DISC1: variants seen among roughly 807,000 people sequenced by gnomAD.
The protein encoded by DISC1 is DISC1 scaffold protein.
In DISC1, 57 loss-of-function variants were observed where a neutral mutation model predicts 84.5. The observed-to-expected ratio is 0.67, with a 90% CI of 0.55 to 0.84. DISC1 has a LOEUF of 0.84. Ranked by LOEUF, DISC1 falls within the 40% of genes least tolerant of loss-of-function variation. The pLI is 0.00. For synonymous variants in DISC1, 411 were observed against 415.2 expected, an observed-to-expected ratio of 0.99 and a Z score of 0.12; for missense variants, 1,000 against 1,057.8, an observed-to-expected ratio of 0.95 and a Z score of 0.76.
At position 231,675,075 on chromosome 1, in the gene DISC1, G is replaced by A. The variant is rs947210542; in HGVS notation, c.68-18751G>A. Among the ~76,000 whole-genome samples the A allele has an allele frequency of 6.6e-6, 1 of 152,148 alleles. No individual in the cohort carries two copies. The highest frequency in any genetic ancestry group is 1.5e-5 in the Non-Finnish European group (1 of 68,036). On this transcript the variant is annotated intron_variant, in intron 1 of 12. Transcript: ENST00000439617. This position sits in a 1 kb window ranked among gnomAD's most constrained non-coding sequence, Gnocchi z 4.1. ...ACAAAGTTGATGAGAGACTTCCAAC[G>A]GCAAGTGTGTAAAAAGAAAATATCT...
At chr1:231,903,527 A>G (rs746690158) in intron 9 of DISC1, among the ~76,000 whole-genome samples, 2 of 152,230 alleles carry the variant, frequency 1.3e-5, no homozygotes, top group Non-Finnish European at 2.9e-5. Flanking sequence ...ACCTCAAGCC[A>G]TAGGATTGCC....
At chr1:231,898,036 T>C (rs1237007106) in intron 9 of DISC1, among the ~76,000 whole-genome samples, 1 of 152,082 alleles carries the variant, frequency 6.6e-6, no homozygotes, top group African/African-American at 2.4e-5. Flanking sequence ...ATAACAGAAC[T>C]AGGGAGAAAG....
At chr1:231,989,579 T>C (rs1664912648) in intron 10 of DISC1, among the ~76,000 whole-genome samples, 1 of 151,774 alleles carries the variant, frequency 6.6e-6, no homozygotes, top group Non-Finnish European at 1.5e-5. Flanking sequence ...CCAAGAGGAG[T>C]GAGGGAGAGC....
At chr1:231,901,410 G>A (rs530107666) in intron 9 of DISC1, among the ~76,000 whole-genome samples, 1 of 152,282 alleles carries the variant, frequency 6.6e-6, no homozygotes, top group South Asian at 2.1e-4. Context: ...ATGACAGCAT[G>A]GTGCATGGCA....
intron 1 of DISC1, among the ~76,000 whole-genome samples, chr1:231,650,440 T>G (rs1489240584): frequency 1.3e-5 from 2 of 152,238 alleles, no homozygotes; most frequent in Non-Finnish European, 2.9e-5. Flanking sequence ...CCACTGTTAG[T>G]CATCAGACTT....
chr1:231,715,004 T>C (rs186596725), intron 3 of DISC1, among the ~76,000 whole-genome samples: 115 of 152,306 alleles, frequency 7.6e-4, no homozygotes, highest in African/African-American at 2.6e-3. Flanking sequence ...ATGTGGCAAT[T>C]GAAGACTTTT....
At chr1:231,980,207 G>A (rs112645890) in intron 10 of DISC1, among the ~76,000 whole-genome samples, 2,567 of 152,104 alleles carry the variant, frequency 0.017, 76 homozygotes, top group African/African-American at 0.059. Flanking sequence ...CATAATCCCC[G>A]GTTAGGCAAA....
At position 232,014,715 on chromosome 1, in the gene DISC1, G is replaced by A. The variant is rs12136086; in HGVS notation, c.2307+5666G>A. 2.5e-3 allele frequency among the ~76,000 whole-genome samples: 387 copies of A among 152,260 alleles called. 6 individuals are homozygous for A. Among genetic ancestry groups the A allele is most frequent in the Non-Finnish European group, 1.1e-3 (73 of 68,016 alleles). ...TGGCTTTTCACATGACCCTCGTTGTGTAAACCTCACCTATCATGCATCATT... is the reference window on the plus strand; with the variant it reads ...TGGCTTTTCACATGACCCTCGTTGTATAAACCTCACCTATCATGCATCATT... On this transcript the variant is annotated intron_variant, in intron 11 of 12. Coordinates refer to ENST00000439617, the MANE Select transcript of DISC1 (RefSeq NM_018662.3).
chr1:231,907,230 A>G (rs2088806422), intron 9 of DISC1, among the ~76,000 whole-genome samples: 1 of 149,602 alleles, frequency 6.7e-6, no homozygotes, highest in African/African-American at 2.5e-5. Flanking sequence ...GGTTTGTTAC[A>G]TATGTATACA....
At chr1:231,641,715 A>G (rs994557056) in intron 1 of DISC1, among the ~76,000 whole-genome samples, 1 of 152,230 alleles carries the variant, frequency 6.6e-6, no homozygotes, top group Non-Finnish European at 1.5e-5. Context: ...TCCCTGAGCT[A>G]GACACAAATG....
chr1:231,804,299 A>C (rs1003656074), intron 8 of DISC1, among the ~76,000 whole-genome samples: 1 of 152,112 alleles, frequency 6.6e-6, no homozygotes, highest in Non-Finnish European at 1.5e-5. Flanking sequence ...AGACAGAAGG[A>C]TTTTGAGAAC....
chr1:231,800,188 A>G lies in DISC1; in HGVS notation c.1770A>G (p.Glu590=). 1 of 1,612,086 alleles carries G rather than the reference A, an allele frequency of 6.2e-7. No homozygotes were observed. The change falls in exon 8 of 13, where the codon GAA becomes GAG. Residue 590 remains glutamate (E), a synonymous_variant. Transcript: ENST00000439617. ...DIETQLPALL[E]AKMHAISGNH... ...AAACCCAACTACCAGCCTTGCTTGA[A>G]GCCAAAATGCATGCCATATCAGGTA...
chr1:231,947,067 G>A (rs563627246), intron 9 of DISC1, among the ~76,000 whole-genome samples: 1 of 152,126 alleles, frequency 6.6e-6, no homozygotes, highest in African/African-American at 2.4e-5. Context: ...TCCCCATCAA[G>A]CTACCACTGA....
chr1:231,810,692 G>A lies in DISC1; in HGVS notation c.1793-7637G>A, dbSNP rs139503686. Among the ~76,000 whole-genome samples, 271 of 152,258 alleles carry A rather than the reference G, an allele frequency of 1.8e-3. 3 individuals are homozygous for A. Among genetic ancestry groups the A allele is most frequent in the African/African-American group, 6.1e-3 (252 of 41,544 alleles). ...TTATCAATGCGGGGAAGCTGGAGGC[G>A]GCTCACTAGAAGCGAACATCCTGTG... is the stretch of plus-strand genomic sequence containing the variant. On this transcript the variant is annotated intron_variant, in intron 8 of 12. Coordinates refer to ENST00000439617, the MANE Select transcript of DISC1 (RefSeq NM_018662.3).
intron 9 of DISC1, among the ~76,000 whole-genome samples, chr1:231,921,305 C>T (rs2089995292): frequency 6.6e-6 from 1 of 152,194 alleles, no homozygotes; most frequent in Non-Finnish European, 1.5e-5. Context: ...ACTTCCAAGA[C>T]TTCCAGCACA....
At chr1:231,750,331 G>A (rs986771654) in intron 4 of DISC1, 1 of 1,288,072 alleles carries the variant, frequency 7.8e-7, no homozygotes, top group Non-Finnish European at 9.8e-7. Flanking sequence ...TGCATCCCAG[G>A]TCTGAAGCAT....
At chr1:231,790,952 A>G (rs2125588858) in intron 6 of DISC1, among the ~76,000 whole-genome samples, 1 of 152,220 alleles carries the variant, frequency 6.6e-6, no homozygotes, top group Non-Finnish European at 1.5e-5. Flanking sequence ...GGGGATTCGG[A>G]CTCCAACCTG....
intron 4 of DISC1, among the ~76,000 whole-genome samples, chr1:231,755,641 C>T (rs926008405): frequency 2.0e-5 from 3 of 152,026 alleles, no homozygotes; most frequent in Non-Finnish European, 2.9e-5. Context: ...CTAAATTTAC[C>T]GTTGTTCTCC....
intron 1 of DISC1, among the ~76,000 whole-genome samples, chr1:231,668,423 C>T (rs935367406): frequency 2.6e-5 from 4 of 152,072 alleles, no homozygotes; most frequent in African/African-American, 4.8e-5. Flanking sequence ...CTTTATAGAT[C>T]GCTTGGGAAC....
Sources: allele counts gnomAD v4.1 joint callset (sites outside exome capture counted in the v4.1 genomes callset), GRCh38; gene constraint gnomAD v4.1.1; non-coding constraint Gnocchi (gnomAD v3.1); transcripts MANE v1.5; gene names NCBI Gene and HGNC (gene_info 2026-07-23, HGNC 2026-07-21).